The following SGCD variants were observed in gnomAD, a reference collection of about 807,000 sequenced individuals.
The protein encoded by SGCD is sarcoglycan delta.
In SGCD, 18 loss-of-function variants were observed where a neutral mutation model predicts 36.6. The observed-to-expected ratio is 0.49, with a 90% confidence interval of 0.34 to 0.73. The LOEUF is 0.73. Among genes scored for constraint, SGCD ranks in the 30% least tolerant of loss-of-function variants. The pLI is 0.01. For synonymous variants in SGCD, 133 were observed against 130.6 expected (o/e 1.02, Z -0.12); for missense variants, 387 against 346.7 (o/e 1.12, Z -0.92).
intron 1 of SGCD, among the ~76,000 whole-genome samples, chr5:156,083,299 T>C (rs1012020181): frequency 2.0e-5 from 3 of 151,900 alleles, no homozygotes; most frequent in Non-Finnish European, 1.5e-5. Context: ...TTTTTTCCTT[T>C]TTTTTTTTCT....
At chr5:156,631,478 A>ATTT (rs1561827106) in intron 6 of SGCD, among the ~76,000 whole-genome samples, 70 of 125,474 alleles carry the variant, frequency 5.6e-4, no homozygotes, top group African/African-American at 1.9e-3. Flanking sequence ...TTTTTTTTTA[A>ATTT]AAAAAAGATA....
chr5:156,703,066 T>C (rs954635579), intron 7 of SGCD, among the ~76,000 whole-genome samples: 2 of 152,172 alleles, frequency 1.3e-5, no homozygotes, highest in Non-Finnish European at 2.9e-5. Flanking sequence ...ACCCATGGGA[T>C]TGGGGCAAGG....
rs556693877 is a variant in SGCD, at chr5:156,460,719, C to T, written c.193-47882C>T. ...GGTGACTCACTCTAGTATACCACAA[C>T]CCCAGAGTCTTAAATTAAGAGATAC... On this transcript the variant is annotated intron_variant, in intron 3 of 8. Transcript: ENST00000337851. Among the ~76,000 whole-genome samples the T allele has an allele frequency of 2.6e-5, 4 of 152,242 alleles. No homozygotes were observed. In the East Asian group the frequency reaches 7.7e-4, roughly 29 times the overall value.
Position 156,175,197 on chromosome 5 carries a change from T to C in SGCD, c.-44+51178T>C, listed in dbSNP as rs541474794. On this transcript the variant is annotated intron_variant, in intron 3 of 9. Coordinates refer to the SGCD transcript ENST00000517913. ...CTGTAAAAATAACCAAGAATATTTATGGTATTTAGGATGAATTGCTAAGTA... is the reference window on the plus strand; with the variant it reads ...CTGTAAAAATAACCAAGAATATTTACGGTATTTAGGATGAATTGCTAAGTA... 1.4e-4 allele frequency among the ~76,000 whole-genome samples: 22 copies of C among 152,300 alleles called. 1 individual carries two copies. The South Asian group carries it at 4.4e-3, about 30-fold the overall frequency.
At chr5:156,373,205 A>C (rs1255087834) in intron 3 of SGCD, among the ~76,000 whole-genome samples, 1 of 152,344 alleles carries the variant, frequency 6.6e-6, no homozygotes, top group African/African-American at 2.4e-5. Flanking sequence ...TTCTCTAAAA[A>C]GATATCTGTA....
the SGCD span, among the ~76,000 whole-genome samples, chr5:155,864,422 G>A: frequency 3.0e-4 from 45 of 152,064 alleles, no homozygotes; most frequent in Non-Finnish European, 5.3e-4. Context: ...GGGTGACATC[G>A]GTGGAGGCGG....
chr5:156,244,205 C>T lies in SGCD; in HGVS notation c.-43-85329C>T, dbSNP rs149727107. On this transcript the variant is annotated intron_variant, in intron 3 of 9. Transcript: ENST00000517913. ...CCTGAATCTAATCAAGACAAAACATCGGACACACCAAAACTGAAAATACAG... is the reference window on the plus strand; with the variant it reads ...CCTGAATCTAATCAAGACAAAACATTGGACACACCAAAACTGAAAATACAG... 5.0e-4 allele frequency among the ~76,000 whole-genome samples: 76 copies of T among 152,240 alleles called. 1 individual carries two copies. The East Asian group carries it at 0.013, about 27-fold the overall frequency.
At chr5:156,593,430 A>G (rs866620475) in intron 5 of SGCD, among the ~76,000 whole-genome samples, 29 of 152,192 alleles carry the variant, frequency 1.9e-4, no homozygotes, top group Admixed American at 3.3e-4. Context: ...ATGTGTGTAC[A>G]TAGCAAAACT....
intron 2 of SGCD, among the ~76,000 whole-genome samples, chr5:156,118,920 C>T (rs1172883482): frequency 1.3e-5 from 2 of 152,156 alleles, no homozygotes; most frequent in Non-Finnish European, 2.9e-5. Flanking sequence ...ACTGGTGATT[C>T]TAGTTACAGT....
chr5:156,339,684 A>G (rs1768541804), intron 2 of SGCD, among the ~76,000 whole-genome samples: 1 of 152,226 alleles, frequency 6.6e-6, no homozygotes, highest in South Asian at 2.1e-4. Flanking sequence ...ATAGCATTAT[A>G]TCTAAAAGTA....
At chr5:155,918,675 G>T (rs1177832348) in intron 1 of SGCD, among the ~76,000 whole-genome samples, 1 of 152,154 alleles carries the variant, frequency 6.6e-6, no homozygotes, top group Non-Finnish European at 1.5e-5. Flanking sequence ...CATACAGTTA[G>T]TTTTTTTCTT....
At chr5:156,493,075 A>C (rs1581072061) in intron 3 of SGCD, among the ~76,000 whole-genome samples, 1 of 152,266 alleles carries the variant, frequency 6.6e-6, no homozygotes, top group African/African-American at 2.4e-5. Context: ...TTGGGTATAT[A>C]CCCAGTAATG....
At chr5:156,668,112 A>C (rs1252533247) in intron 7 of SGCD, among the ~76,000 whole-genome samples, 1 of 152,192 alleles carries the variant, frequency 6.6e-6, no homozygotes, top group Non-Finnish European at 1.5e-5. Context: ...AAGTGACTTC[A>C]TCACAACTGT....
chr5:156,051,920 A>T (rs1759927828), intron 1 of SGCD, among the ~76,000 whole-genome samples: 1 of 145,790 alleles, frequency 6.9e-6, no homozygotes, highest in Admixed American at 6.9e-5. Context: ...ATGCTGGTGG[A>T]GGTGGAAGGC....
intron 1 of SGCD, among the ~76,000 whole-genome samples, chr5:155,916,701 A>G (rs911836738): frequency 6.6e-6 from 1 of 152,220 alleles, no homozygotes; most frequent in Non-Finnish European, 1.5e-5. Flanking sequence ...AGATTGTCCT[A>G]TGGTGATTTT....
At chr5:156,639,072 T>C (rs1012103581) in intron 6 of SGCD, among the ~76,000 whole-genome samples, 1 of 151,944 alleles carries the variant, frequency 6.6e-6, no homozygotes, top group Non-Finnish European at 1.5e-5. Context: ...TCTATTTTGA[T>C]ATGCCAGACA....
chr5:156,489,375 A>G (rs1042140971), intron 3 of SGCD, among the ~76,000 whole-genome samples: 1 of 152,120 alleles, frequency 6.6e-6, no homozygotes, highest in African/African-American at 2.4e-5. Context: ...GACATAATGG[A>G]CCCAACAGAT....
chr5:156,545,463 T>C (rs957982313), intron 4 of SGCD, among the ~76,000 whole-genome samples: 2 of 151,562 alleles, frequency 1.3e-5, no homozygotes, highest in African/African-American at 4.8e-5. Context: ...AATTTTTTCA[T>C]GGACGGGAGT....
intron 3 of SGCD, among the ~76,000 whole-genome samples, chr5:156,306,858 A>G (rs1767227490): frequency 6.6e-6 from 1 of 152,184 alleles, no homozygotes; most frequent in East Asian, 1.9e-4. Flanking sequence ...ACATATTTTA[A>G]TAGGCTATTA....
Sources: gnomAD v4.1 joint callset for allele counts (sites outside exome capture counted in the v4.1 genomes callset) on GRCh38, gnomAD v4.1.1 for gene constraint, MANE v1.5 for transcripts, NCBI Gene and HGNC (gene_info 2026-07-23, HGNC 2026-07-21) for gene names.